The following TYW1 variants were observed in gnomAD, a reference collection of about 807,000 sequenced individuals.
The protein encoded by TYW1 is S-adenosyl-L-methionine-dependent tRNA 4-demethylwyosine synthase TYW1.
In TYW1, 46 loss-of-function variants were observed where a neutral mutation model predicts 96.2. The ratio of observed to expected loss-of-function variants is 0.48; its 90% CI spans 0.38 to 0.61. TYW1 has a LOEUF of 0.61. Ranked by LOEUF, TYW1 falls within the 20% of genes least tolerant of loss-of-function variation. TYW1 has a pLI of 0.00. For missense variants in TYW1, 684 were observed against 909.6 expected (o/e 0.75, Z 3.19); for synonymous variants, 274 against 323.0 (o/e 0.85, Z 1.63).
chr7:67,044,253 C>T (rs1795118231), intron 7 of TYW1, among the ~76,000 whole-genome samples: 1 of 151,872 alleles, frequency 6.6e-6, no homozygotes, highest in African/African-American at 2.4e-5. Flanking sequence ...CGCATGCCAC[C>T]ACGCCTGGCT....
intron 13 of TYW1, among the ~76,000 whole-genome samples, chr7:67,139,577 AC>A (rs1016231545): frequency 6.6e-6 from 1 of 152,110 alleles, no homozygotes; most frequent in African/African-American, 2.4e-5. Flanking sequence ...ACCCTGCAGA[AC>A]CCACAGATAT....
chr7:67,180,151 T>C (rs1563057940), intron 13 of TYW1, among the ~76,000 whole-genome samples: 1 of 132,184 alleles, frequency 7.6e-6, no homozygotes, highest in Non-Finnish European at 1.6e-5. Context: ...TTCATAATTA[T>C]AAGTAGAATA....
intron 11 of TYW1, among the ~76,000 whole-genome samples, chr7:67,092,389 T>G (rs1036580426): frequency 6.6e-5 from 10 of 152,028 alleles, no homozygotes; most frequent in African/African-American, 2.2e-4. Context: ...AAAAATTAGT[T>G]TATGCCACCC....
rs549839296 is a variant in TYW1 at position 67,115,608 on chromosome 7, A to G, written c.1563-1875A>G. On this transcript the variant is annotated intron_variant, in intron 12 of 15. Transcript: ENST00000359626. ...CATTGCAAGCATCTGTTTGGCCTAT[A>G]TTCCCTTAAAAATTCTGTCTGCTGA... is the stretch of plus-strand genomic sequence containing the variant. Among the ~76,000 whole-genome samples the G allele has an allele frequency of 2.8e-3, 422 of 152,224 alleles. 5 individuals are homozygous for G. The highest frequency in any genetic ancestry group is 2.5e-3 in the Non-Finnish European group (172 of 68,012).
At chr7:67,152,378 C>T (rs1798829826) in intron 13 of TYW1, among the ~76,000 whole-genome samples, 1 of 152,160 alleles carries the variant, frequency 6.6e-6, no homozygotes, top group Non-Finnish European at 1.5e-5. Flanking sequence ...TCACCTTGCT[C>T]ACCATCAGTT....
chr7:67,078,098 T>C lies in TYW1; in HGVS notation c.1275-5332T>C, dbSNP rs1183801758. Among the ~76,000 whole-genome samples, 3 of 151,984 alleles carry C rather than the reference T, an allele frequency of 2.0e-5. No homozygotes were observed. In the East Asian group the frequency reaches 5.8e-4, roughly 29 times the overall value. ...TTTATAGTTTATTTTTTGTTTTTTG[T>C]TTTTGTTTTTTTTTTGAGATGGAGT... On this transcript the variant is annotated intron_variant, in intron 10 of 15. Coordinates refer to ENST00000359626, the MANE Select transcript of TYW1 (RefSeq NM_018264.4).
At chr7:67,176,784 G>C (rs989704591) in intron 13 of TYW1, among the ~76,000 whole-genome samples, 11 of 152,116 alleles carry the variant, frequency 7.2e-5, no homozygotes, top group African/African-American at 2.4e-4. Flanking sequence ...TCCACTGTAG[G>C]ATTTTTCAAC....
Position 67,001,396 on chromosome 7 carries a change from A to ATTTAT in TYW1, c.273+2455_273+2459dup, listed in dbSNP as rs1392726079. ...AGCTGCGCCATCTGAATTTATTTTT[A>ATTTAT]TTTATTTTATTTTATTTATTTATTT... On this transcript the variant is annotated intron_variant, in intron 3 of 15. Transcript: ENST00000359626. Among the ~76,000 whole-genome samples, 5 of 151,090 alleles carry ATTTAT rather than the reference A, an allele frequency of 3.3e-5. No individual in the cohort carries two copies. In the East Asian group the frequency reaches 9.7e-4, roughly 29 times the overall value.
chr7:67,223,793 G>A (rs555980268), intron 15 of TYW1, among the ~76,000 whole-genome samples: 12 of 151,792 alleles, frequency 7.9e-5, no homozygotes, highest in Admixed American at 3.3e-4. Flanking sequence ...GACTGGTAGC[G>A]GCTTTGGAGC....
intron 15 of TYW1, among the ~76,000 whole-genome samples, chr7:67,197,952 T>TTCCCCCCCCC (rs1563067011): frequency 7.9e-6 from 1 of 125,978 alleles, no homozygotes; most frequent in Non-Finnish European, 1.6e-5. Context: ...CTCCCTTCCC[T>TTCCCCCCCCC]ACCCCTGCCC....
chr7:67,224,325 C>T (rs757519183), intron 15 of TYW1, among the ~76,000 whole-genome samples: 16 of 152,226 alleles, frequency 1.1e-4, no homozygotes, highest in Non-Finnish European at 2.1e-4. Context: ...TGGGGTTTCA[C>T]CATGTTGGTC....
intron 15 of TYW1, among the ~76,000 whole-genome samples, chr7:67,235,923 AG>A (rs1801872950): frequency 6.7e-6 from 1 of 149,044 alleles, no homozygotes; most frequent in African/African-American, 2.5e-5. Flanking sequence ...AAAAGAGGTG[AG>A]GAAGAAAGAC....
chr7:67,174,329 G>A (rs2116272053), intron 13 of TYW1, among the ~76,000 whole-genome samples: 1 of 151,920 alleles, frequency 6.6e-6, no homozygotes, highest in South Asian at 2.1e-4. Context: ...AAAGCAGGCA[G>A]AGATAAAGAG....
chr7:67,040,734 A>G (rs1389918519), intron 7 of TYW1, among the ~76,000 whole-genome samples: 1 of 152,024 alleles, frequency 6.6e-6, no homozygotes, highest in Admixed American at 6.6e-5. Context: ...AATCCCAGCT[A>G]CTGGGAGGCT....
At chr7:67,164,422 C>T (rs2116232296) in intron 13 of TYW1, among the ~76,000 whole-genome samples, 1 of 150,560 alleles carries the variant, frequency 6.6e-6, no homozygotes, top group Non-Finnish European at 1.5e-5. Context: ...CAAGCCTGGG[C>T]AACATAGCGA....
chr7:67,237,916 C>T (rs1801945396), intron 15 of TYW1, among the ~76,000 whole-genome samples: 1 of 152,082 alleles, frequency 6.6e-6, no homozygotes, highest in South Asian at 2.1e-4. Flanking sequence ...AAAAGGATTC[C>T]ACGAGGTGCT....
At chr7:67,083,061 T>A (rs1008610616) in intron 10 of TYW1, among the ~76,000 whole-genome samples, 1 of 152,316 alleles carries the variant, frequency 6.6e-6, no homozygotes, top group East Asian at 1.9e-4. Flanking sequence ...GTGTTCCAGC[T>A]GTCGTCACTC....
chr7:67,220,308 A>T (rs796863088), intron 15 of TYW1, among the ~76,000 whole-genome samples: 1 of 143,382 alleles, frequency 7.0e-6, no homozygotes, highest in Non-Finnish European at 1.5e-5. Context: ...GGTTCATGCC[A>T]TTCTCCTGCC....
intron 11 of TYW1, among the ~76,000 whole-genome samples, chr7:67,097,435 G>T (rs536818913): frequency 6.6e-6 from 1 of 152,204 alleles, no homozygotes; most frequent in African/African-American, 2.4e-5. Flanking sequence ...GTCTCACTCT[G>T]TTGCCCAGGC....
Sources: allele counts gnomAD v4.1 joint callset (sites outside exome capture counted in the v4.1 genomes callset), GRCh38; gene constraint gnomAD v4.1.1; transcripts MANE v1.5; gene names NCBI Gene and HGNC (gene_info 2026-07-23, HGNC 2026-07-21).